Variants in PKD1L1 observed in about 807,000 individuals in gnomAD.
The protein encoded by PKD1L1 is polycystin-1-like protein 1.
A neutral mutation model predicts 323.4 loss-of-function variants in PKD1L1; 236 were observed. The ratio of observed to expected loss-of-function variants is 0.73; its 90% CI spans 0.66 to 0.81. The LOEUF is 0.81. Ranked by LOEUF, PKD1L1 falls within the 40% of genes least tolerant of loss-of-function variation. The pLI, the probability that PKD1L1 is intolerant of heterozygous loss-of-function variation, is 0.00. For synonymous variants in PKD1L1, 1,344 were observed against 1,335.0 expected (o/e 1.01, Z -0.15); for missense variants, 3,320 against 3,508.0 (o/e 0.95, Z 1.35).
chr7:47,803,756 A>T (rs1245407381), intron 52 of PKD1L1, among the ~76,000 whole-genome samples: 1 of 152,236 alleles, frequency 6.6e-6, no homozygotes, highest in African/African-American at 2.4e-5. Flanking sequence ...TCCCCCAGAT[A>T]CATGTACAGA....
In PKD1L1 at chr7:47,910,277, C is replaced by T. The variant is rs1787290596; in HGVS notation, c.1229-2027G>A. Among the ~76,000 whole-genome samples the T allele has an allele frequency of 2.0e-5, 3 of 151,814 alleles. No homozygotes were observed. In the South Asian group the frequency reaches 6.2e-4, roughly 32 times the overall value. On this transcript the variant is annotated intron_variant, in intron 8 of 56. Transcript: ENST00000289672. ...AATAGTTAAGAATACACTCCACGGA[C>T]TCAGAGGAATTTGGCATTGGAAATC... is the stretch of plus-strand genomic sequence containing the variant.
intron 55 of PKD1L1, chr7:47,795,238 G>A: frequency 2.6e-6 from 1 of 385,558 alleles, no homozygotes; most frequent in Non-Finnish European, 5.2e-6. Context: ...ACATGTTGTG[G>A]GAGGGACCTA....
intron 7 of PKD1L1, among the ~76,000 whole-genome samples, chr7:47,920,578 A>T (rs1373865334): frequency 6.6e-6 from 1 of 152,220 alleles, no homozygotes; most frequent in Non-Finnish European, 1.5e-5. Flanking sequence ...GAGGCTGTAC[A>T]TCCAAAGAAA....
Position 47,825,640 on chromosome 7 carries a change from TTCTC to T in PKD1L1, c.6854+1706_6854+1709del, listed in dbSNP as rs547119006. ...TTCTTTTTACGTAGGAGTTATTTCT[TTCTC>T]TTCTTCAAGTTTTATGTAATCCAAT... On this transcript the variant is annotated intron_variant, in intron 45 of 56. Transcript: ENST00000289672. Among the ~76,000 whole-genome samples the T allele has an allele frequency of 3.5e-3, 537 of 152,322 alleles. 5 individuals carry two copies. Among genetic ancestry groups the T allele is most frequent in the Non-Finnish European group, 5.4e-3 (365 of 68,026 alleles).
intron 17 of PKD1L1, among the ~76,000 whole-genome samples, chr7:47,887,728 C>T (rs1329194129): frequency 6.6e-6 from 1 of 152,180 alleles, no homozygotes; most frequent in African/African-American, 2.4e-5. Context: ...ATAAAACTGC[C>T]TACACAGGTG....
In PKD1L1 at chr7:47,827,409, G is replaced by A; in HGVS notation, c.6795C>T (p.Ala2265=). 1 of 1,613,404 alleles carries A rather than the reference G, an allele frequency of 6.2e-7. No homozygotes were observed. The change falls in exon 45 of 57, where the codon GCC becomes GCT. Residue 2265 remains alanine, a synonymous_variant. Coordinates refer to ENST00000289672, the MANE Select transcript of PKD1L1 (RefSeq NM_138295.5). ...TCCTCTGTCTGGTGCCCCTCAGCTG[G>A]GCCTTGGATGGTGGATGCGCCCAGC... ...HLRWAHPPSK[A]QLRGTRQRMR... is the part of the protein sequence containing the mutation.
intron 17 of PKD1L1, among the ~76,000 whole-genome samples, chr7:47,886,569 G>A (rs781662164): frequency 1.3e-5 from 2 of 152,098 alleles, no homozygotes; most frequent in Non-Finnish European, 2.9e-5. Flanking sequence ...TGCCCTCCTC[G>A]CTGTAATGAG....
At position 47,803,327 on chromosome 7, in the gene PKD1L1, C is replaced by G; in HGVS notation, c.7845G>C (p.Arg2615=). ...ASWNQRARWL[R]GILLFLFTLK... is the part of the protein sequence containing the mutation. ...ATGTGAAGAGGAATAAGAGGATTCC[C>G]CGGAGCCATCGAGCCCTCTGAGACA... The change falls in exon 53 of 57, where the codon CGG becomes CGC. Residue 2615 remains arginine, a synonymous_variant. Transcript: ENST00000289672. 6.2e-7 allele frequency: 1 copy of G among 1,613,930 alleles called. No homozygotes were observed. Among genetic ancestry groups the G allele is most frequent in the South Asian group, 1.1e-5 (1 of 91,054 alleles).
chr7:47,846,807 GT>G, intron 32 of PKD1L1, 71 bp downstream of exon 32: 1 of 1,423,108 alleles, frequency 7.0e-7, no homozygotes. Flanking sequence ...GGCTCTAGGG[GT>G]TGGGCCAAAT....
Position 47,821,570 on chromosome 7 carries a change from G to A in PKD1L1, c.6855-384C>T, listed in dbSNP as rs116469761. Reference sequence around the variant, plus strand: ...AAGCGTGAGTCACCATGCCGGGCCAGAAGATTTTAAATGAAACTCGGCTTT... The same window carrying A: ...AAGCGTGAGTCACCATGCCGGGCCAAAAGATTTTAAATGAAACTCGGCTTT... On this transcript the variant is annotated intron_variant, in intron 45 of 56. Coordinates refer to ENST00000289672, the MANE Select transcript of PKD1L1 (RefSeq NM_138295.5). Among the ~76,000 whole-genome samples the A allele has an allele frequency of 4.8e-3, 727 of 150,972 alleles. 9 individuals are homozygous for A. Among genetic ancestry groups the A allele is most frequent in the African/African-American group, 0.016 (672 of 41,176 alleles).
intron 7 of PKD1L1, among the ~76,000 whole-genome samples, chr7:47,923,150 C>G (rs200682838): frequency 6.6e-6 from 1 of 151,972 alleles, no homozygotes; most frequent in Non-Finnish European, 1.5e-5. Flanking sequence ...CGTTAAGAGT[C>G]GTCACCACTC....
intron 19 of PKD1L1, 145 bp downstream of exon 19, chr7:47,884,453 G>A (rs893473245): frequency 1.9e-5 from 14 of 721,856 alleles, no homozygotes; most frequent in Middle Eastern, 3.6e-4. Flanking sequence ...GGTTCAGACC[G>A]TGCCATGTAA....
intron 7 of PKD1L1, among the ~76,000 whole-genome samples, chr7:47,921,461 A>C (rs10247203): frequency 0.065 from 9,819 of 152,182 alleles, 1,043 homozygotes; most frequent in African/African-American, 0.22. Flanking sequence ...ACCACTATGG[A>C]AAACAGTATG....
intron 13 of PKD1L1, among the ~76,000 whole-genome samples, chr7:47,900,483 C>T (rs1482478545): frequency 6.6e-6 from 1 of 152,178 alleles, no homozygotes; most frequent in Non-Finnish European, 1.5e-5. Context: ...GCTCATCGCA[C>T]ATTGGGAGGC....
At chr7:47,819,585 G>T in intron 46 of PKD1L1, 2 of 1,362,580 alleles carry the variant, frequency 1.5e-6, no homozygotes, top group Non-Finnish European at 2.0e-6. Context: ...ATAACTGCTG[G>T]TTTCACAAAT....
chr7:47,794,592 C>T (rs114694583), intron 55 of PKD1L1, among the ~76,000 whole-genome samples: 1,614 of 152,290 alleles, frequency 0.011, 22 homozygotes, highest in African/African-American at 0.037. Context: ...ACTGCTAGGG[C>T]AGTGTGGAAG....
At position 47,839,555 on chromosome 7, in the gene PKD1L1, G is replaced by A. The variant is rs369417620; in HGVS notation, c.5660C>T (p.Thr1887Met). The A allele has an allele frequency of 4.1e-5, 66 of 1,607,878 alleles. No homozygotes were observed. Among genetic ancestry groups the A allele is most frequent in the East Asian group, 6.7e-5 (3 of 44,716 alleles). Residue 1887 changes from threonine to methionine, a missense_variant, in exon 36 of 57, where the codon ACG (threonine) becomes ATG (methionine). Physicochemically the swap from Thr to Met is moderately conservative, Grantham distance 81 (BLOSUM62 -1). Transcript: ENST00000289672. The surrounding 1 kb of genome is among the most constrained non-coding windows in gnomAD (Gnocchi z 4.3). ...GGCAGGGAAGAACCAGCCCTGTCCC[G>A]TGTGCAGCTCCTTCACCATCACGTG... The part of the protein sequence containing the change: ...ISHVMVKELH[T>M]GQGWFFPAQC...
chr7:47,921,238 C>CAAAAAAAAAAAAAA (rs139205889), intron 7 of PKD1L1, among the ~76,000 whole-genome samples: 4 of 79,592 alleles, frequency 5.0e-5, no homozygotes, highest in Admixed American at 1.4e-4. Context: ...AGACAATTCT[C>CAAAAAAAAAAAAAA]AAAAAAAAAA....
intron 14 of PKD1L1, among the ~76,000 whole-genome samples, chr7:47,895,871 T>C (rs1274379743): frequency 6.6e-6 from 1 of 152,218 alleles, no homozygotes; most frequent in East Asian, 1.9e-4. Context: ...TGTAGAGTTG[T>C]AATTGTTTTA....
Sources: gnomAD v4.1 joint callset for allele counts (sites outside exome capture counted in the v4.1 genomes callset) on GRCh38, gnomAD v4.1.1 for gene constraint, Gnocchi (gnomAD v3.1) non-coding constraint, MANE v1.5 for transcripts, NCBI Gene and HGNC (gene_info 2026-07-23, HGNC 2026-07-21) for gene names.